ZNF695: variants seen among roughly 807,000 people sequenced by gnomAD.
The protein encoded by ZNF695 is zinc finger protein 695, also known as zinc finger protein SBZF3.
Under a neutral mutation model 11.2 loss-of-function variants are expected in ZNF695, and 11 were observed. The ratio of observed to expected loss-of-function variants is 0.98; its 90% CI spans 0.62 to 1.62. ZNF695 has a LOEUF of 1.62. Ranked by LOEUF, ZNF695 falls within the 40% of genes most tolerant of loss-of-function variation. The pLI is 0.00. For missense variants in ZNF695, 559 were observed against 590.5 expected, an observed-to-expected ratio of 0.95 and a Z score of 0.55; for synonymous variants, 190 against 201.4, an observed-to-expected ratio of 0.94 and a Z score of 0.48.
At chr1:246,959,963 G>A (rs931448609) in intron 5 of ZNF695, among the ~76,000 whole-genome samples, 1 of 152,172 alleles carries the variant, frequency 6.6e-6, no homozygotes, top group Non-Finnish European at 1.5e-5. Context: ...CTATGGTTAT[G>A]TATTTTGGTA....
In ZNF695 at chr1:246,987,781, C is replaced by A; in HGVS notation, c.734G>T (p.Cys245Phe). ...VGEKHCKCEE[C>F]NNIFKSCSSL... is the part of the protein sequence containing the mutation. ...TGAGCAAGACTTAAAAATGTTATTA[C>A]ATTCTTCACATTTGCAATGTTTCTC... The change falls in exon 4 of 4, where the codon TGT becomes TTT. Residue 245 changes from cysteine (C) to phenylalanine (F), a missense_variant. Cys to Phe is a radical substitution (Grantham distance 205). Transcript: ENST00000339986. 1 of 1,603,558 alleles carries A rather than the reference C, an allele frequency of 6.2e-7. No homozygotes were observed.
chr1:246,955,712 C>T (rs1572504537), intron 5 of ZNF695, among the ~76,000 whole-genome samples: 1 of 152,148 alleles, frequency 6.6e-6, no homozygotes, highest in Admixed American at 6.5e-5. Context: ...ATTTACCTAG[C>T]GATGTTAACT....
chr1:246,950,775 T>C (rs1357415937), intron 5 of ZNF695, among the ~76,000 whole-genome samples: 1 of 152,140 alleles, frequency 6.6e-6, no homozygotes, highest in African/African-American at 2.4e-5. Context: ...TTGAGCAGCT[T>C]TGGACAAGGT....
intron 1 of ZNF695, among the ~76,000 whole-genome samples, chr1:247,006,139 C>T (rs934993576): frequency 6.6e-6 from 1 of 151,296 alleles, no homozygotes; most frequent in Non-Finnish European, 1.5e-5. Context: ...ACAGGAGTAT[C>T]GCTTGAACCC....
At position 246,986,625 on chromosome 1, in the gene ZNF695, T is replaced by G; in HGVS notation, c.*342A>C. The stretch of plus-strand genomic sequence containing the variant: ...CACTCTGGTGTTTTCTGAGGTATAT[T>G]TTTTGAACAAATGTTGTTTCTGCAT... On this transcript the variant is annotated 3_prime_UTR_variant, in exon 4 of 4. Coordinates refer to ENST00000339986, the MANE Select transcript of ZNF695 (RefSeq NM_020394.5). The G allele has an allele frequency of 3.9e-6, 4 of 1,019,610 alleles. No individual in the cohort carries two copies. The highest frequency in any genetic ancestry group is 4.7e-6 in the Non-Finnish European group (4 of 852,594). The allele number at this position is 1,019,610 out of a possible 1,614,324, so 63.2% of individuals were successfully genotyped here.
chr1:246,955,136 T>A (rs985261281), intron 5 of ZNF695, among the ~76,000 whole-genome samples: 4 of 152,200 alleles, frequency 2.6e-5, no homozygotes, highest in Non-Finnish European at 5.9e-5. Context: ...CCTTTGCTCC[T>A]CCTTCACCTT....
Position 247,008,037 on chromosome 1 carries a change from G to A in ZNF695, c.-129C>T, listed in dbSNP as rs1392512068. The A allele has an allele frequency of 3.7e-6, 4 of 1,087,370 alleles. No homozygotes were observed. Among genetic ancestry groups the A allele is most frequent in the South Asian group, 3.1e-5 (1 of 32,468 alleles). The allele number at this position is 1,087,370 out of a possible 1,614,324, so 67.4% of individuals were successfully genotyped here. A position where few individuals can be genotyped will look rare whatever the true frequency, so the allele number is the denominator to read the frequency against. ...GCAGCAGACGGGAACCCAGCACCCCGCCGGCCGCAAGGAGACAAAGGCCCC... is the reference window on the plus strand; with the variant it reads ...GCAGCAGACGGGAACCCAGCACCCCACCGGCCGCAAGGAGACAAAGGCCCC... On this transcript the variant is annotated 5_prime_UTR_variant, in exon 1 of 4. Coordinates refer to ENST00000339986, the MANE Select transcript of ZNF695 (RefSeq NM_020394.5).
chr1:246,968,157 T>TA (rs1668335278), intron 4 of ZNF695: 1 of 152,300 alleles, frequency 6.6e-6, no homozygotes, highest in African/African-American at 2.4e-5. Flanking sequence ...TATGAGCCTG[T>TA]AAAATCAAAA....
chr1:246,998,676 A>G (rs1669274277), intron 3 of ZNF695, among the ~76,000 whole-genome samples: 1 of 152,214 alleles, frequency 6.6e-6, no homozygotes, highest in Admixed American at 6.5e-5. Flanking sequence ...GGATCTTAAA[A>G]AATATTTTAG....
intron 4 of ZNF695, among the ~76,000 whole-genome samples, chr1:246,972,951 AC>A (rs199599395): frequency 2.1e-5 from 3 of 143,406 alleles, no homozygotes; most frequent in Non-Finnish European, 3.0e-5. Flanking sequence ...ATATATATAT[AC>A]TATATAAATT....
chr1:246,957,105 G>A (rs562298189), intron 5 of ZNF695, among the ~76,000 whole-genome samples: 10 of 152,258 alleles, frequency 6.6e-5, no homozygotes, highest in African/African-American at 1.7e-4. Flanking sequence ...GAAACAGGCC[G>A]AGTGCGGTGG....
At chr1:246,983,691 G>A (rs186130842), downstream of ZNF695, among the ~76,000 whole-genome samples, 839 of 152,094 alleles carry the variant, frequency 5.5e-3, 3 homozygotes, top group Non-Finnish European at 9.0e-3. Flanking sequence ...GGTGGTGCGT[G>A]CCTGTAATCG....
At chr1:247,007,498 A>AG (rs1669574970) in intron 1 of ZNF695, among the ~76,000 whole-genome samples, 1 of 149,374 alleles carries the variant, frequency 6.7e-6, no homozygotes, top group South Asian at 2.1e-4. Context: ...CCGTCTCAAA[A>AG]AAAAAAAAAA....
chr1:246,976,593 G>C (rs1406133629), intron 4 of ZNF695, among the ~76,000 whole-genome samples: 1 of 151,558 alleles, frequency 6.6e-6, no homozygotes, highest in Non-Finnish European at 1.5e-5. Context: ...AGGAGATCGA[G>C]ACCATCCTGG....
intron 5 of ZNF695, among the ~76,000 whole-genome samples, chr1:246,954,741 G>C (rs1041205908): frequency 1.3e-5 from 2 of 152,132 alleles, no homozygotes; most frequent in African/African-American, 4.8e-5. Context: ...TCGAAACTCT[G>C]ACTTGCTATC....
intron 5 of ZNF695, among the ~76,000 whole-genome samples, chr1:246,950,802 T>G (rs955777899): frequency 1.1e-4 from 16 of 152,310 alleles, no homozygotes; most frequent in Admixed American, 9.2e-4. Flanking sequence ...CCACTCTGTC[T>G]CGGTTTCTTC....
At chr1:246,966,837 T>C (rs1285064379) in intron 5 of ZNF695, 1 of 456,806 alleles carries the variant, frequency 2.2e-6, no homozygotes, top group East Asian at 6.9e-5. Context: ...TGTGAGCCAC[T>C]GCAAGGTTTT....
intron 5 of ZNF695, among the ~76,000 whole-genome samples, chr1:246,950,100 G>C (rs183584941): frequency 2.0e-5 from 3 of 152,288 alleles, no homozygotes; most frequent in Admixed American, 2.0e-4. Context: ...AGGAGGTCAT[G>C]AGTTCCTGAT....
intron 5 of ZNF695, among the ~76,000 whole-genome samples, chr1:246,957,605 C>A (rs1668033662): frequency 6.6e-6 from 1 of 151,884 alleles, no homozygotes. Flanking sequence ...TGAGATAAAC[C>A]TTCAATACCT....
Sources: gnomAD v4.1 joint callset for allele counts (sites outside exome capture counted in the v4.1 genomes callset) on GRCh38, gnomAD v4.1.1 for gene constraint, MANE v1.5 for transcripts, NCBI Gene and HGNC (gene_info 2026-07-23, HGNC 2026-07-21) for gene names.